DOCK10: variants seen among roughly 807,000 people sequenced by gnomAD.
The protein encoded by DOCK10 is dedicator of cytokinesis protein 10.
Under a neutral mutation model 280.1 loss-of-function variants are expected in DOCK10, and 145 were observed. The observed-to-expected ratio is 0.52, with a 90% CI of 0.45 to 0.59. The LOEUF (loss-of-function observed/expected upper bound fraction) is 0.59, where lower values mean the gene tolerates loss of function less well. Among genes scored for constraint, DOCK10 ranks in the 20% least tolerant of loss-of-function variants. DOCK10 has a pLI of 0.00. For missense variants in DOCK10, 2,368 were observed against 2,651.7 expected, an observed-to-expected ratio of 0.89 and a Z score of 2.35; for synonymous variants, 915 against 942.2, an observed-to-expected ratio of 0.97 and a Z score of 0.53.
At chr2:225,019,845 C>A (rs186659906) in intron 1 of DOCK10, among the ~76,000 whole-genome samples, 2 of 152,182 alleles carry the variant, frequency 1.3e-5, no homozygotes, top group East Asian at 3.9e-4. Context: ...AAAAATCAGA[C>A]GCCAAAATTT....
intron 1 of DOCK10, among the ~76,000 whole-genome samples, chr2:225,037,541 TGC>T (rs1186524834): frequency 6.6e-6 from 1 of 152,186 alleles, no homozygotes; most frequent in African/African-American, 2.4e-5. Context: ...CTATTCAAAA[TGC>T]AGAGGATGTC....
rs756089459 is a variant in DOCK10, at chr2:224,805,160, G to A, written c.4052-36C>T. 4 of 1,601,386 alleles carry A rather than the reference G, an allele frequency of 2.5e-6. No individual in the cohort carries two copies. In the East Asian group the frequency reaches 8.9e-5, roughly 36 times the overall value. ...ACACCAGGTAGTATGAGAATCTGAA[G>A]GTTTTCTTTTTCCTTTTTTCAAAAA... On this transcript the variant is annotated intron_variant, in intron 36 of 55. Transcript: ENST00000258390. The surrounding 1 kb of genome is among the most constrained non-coding windows in gnomAD (Gnocchi z 4.3).
At chr2:224,784,195 T>C (rs905544613) in intron 50 of DOCK10, among the ~76,000 whole-genome samples, 1 of 152,158 alleles carries the variant, frequency 6.6e-6, no homozygotes, top group Non-Finnish European at 1.5e-5. Context: ...TTGGAATTAG[T>C]CCCATCACCT....
Position 224,909,160 on chromosome 2 carries a change from T to A in DOCK10, c.333+7535A>T, listed in dbSNP as rs1298845245. ...CTTTATATGATCCCTTTGTGTATAT[T>A]AAAATAAAAGCTTCGTTATAGAAGT... On this transcript the variant is annotated intron_variant, in intron 3 of 55. Coordinates refer to ENST00000258390, the MANE Select transcript of DOCK10 (RefSeq NM_014689.3). Among the ~76,000 whole-genome samples, 3 of 152,230 alleles carry A rather than the reference T, an allele frequency of 2.0e-5. No homozygotes were observed. The East Asian group carries it at 5.8e-4, about 29-fold the overall frequency.
At chr2:224,919,328 G>GT (rs1701552283) in intron 2 of DOCK10, among the ~76,000 whole-genome samples, 1 of 148,518 alleles carries the variant, frequency 6.7e-6, no homozygotes, top group East Asian at 2.0e-4. Context: ...GTGAGTGTGT[G>GT]GTGTATGTGT....
intron 33 of DOCK10, among the ~76,000 whole-genome samples, chr2:224,806,639 C>T (rs753784899): frequency 6.6e-6 from 1 of 152,110 alleles, no homozygotes; most frequent in Non-Finnish European, 1.5e-5. Flanking sequence ...CAGCGTCTTA[C>T]TGTTACCCAG....
In DOCK10 at chr2:224,976,602, C is replaced by T. The variant is rs374445344; in HGVS notation, c.124-44934G>A. On this transcript the variant is annotated intron_variant, in intron 1 of 55. Coordinates refer to ENST00000258390, the MANE Select transcript of DOCK10 (RefSeq NM_014689.3). ...AGTTCTCAGACCCTCAGGTGAACAACAGGTACCCAGGGAAAAAACCAAGTT... is the reference window on the plus strand; with the variant it reads ...AGTTCTCAGACCCTCAGGTGAACAATAGGTACCCAGGGAAAAAACCAAGTT... Among the ~76,000 whole-genome samples, 214 of 146,158 alleles carry T rather than the reference C, an allele frequency of 1.5e-3. 1 individual carries two copies. Among genetic ancestry groups the T allele is most frequent in the Middle Eastern group, 0.011 (3 of 284 alleles).
intron 1 of DOCK10, among the ~76,000 whole-genome samples, chr2:225,036,986 A>G (rs952874127): frequency 6.6e-6 from 1 of 151,906 alleles, no homozygotes; most frequent in African/African-American, 2.4e-5. Flanking sequence ...TTTGTAAGAT[A>G]CTTAGGATCC....
chr2:224,861,945 T>C (rs1697530673), intron 14 of DOCK10: 1 of 152,242 alleles, frequency 6.6e-6, no homozygotes, highest in Non-Finnish European at 1.5e-5. Flanking sequence ...TGATGACCTT[T>C]TAGCCTTATG....
chr2:224,785,758 C>T (rs369162660), intron 50 of DOCK10, among the ~76,000 whole-genome samples: 10 of 152,308 alleles, frequency 6.6e-5, no homozygotes, highest in East Asian at 3.9e-4. Context: ...GGATTACAGG[C>T]GTGAGCCATG....
Position 224,973,826 on chromosome 2 carries a change from T to C in DOCK10, c.124-42158A>G, listed in dbSNP as rs192739387. The stretch of plus-strand genomic sequence containing the variant: ...AGAGATCACACTGCCAGCAAGTGCT[T>C]TGGCAAGTGACTCAGACCCACACAC... On this transcript the variant is annotated intron_variant, in intron 1 of 55. Transcript: ENST00000258390. Among the ~76,000 whole-genome samples, 57 of 152,284 alleles carry C rather than the reference T, an allele frequency of 3.7e-4. 1 individual carries two copies. In the East Asian group the frequency reaches 9.3e-3, roughly 25 times the overall value.
intron 50 of DOCK10, among the ~76,000 whole-genome samples, chr2:224,779,232 T>A (rs1691116695): frequency 6.6e-6 from 1 of 151,654 alleles, no homozygotes; most frequent in Non-Finnish European, 1.5e-5. Context: ...CTTTTTTTTT[T>A]TTTGGCAGAG....
intron 31 of DOCK10, among the ~76,000 whole-genome samples, chr2:224,813,356 C>T (rs1230116381): frequency 6.6e-6 from 1 of 152,046 alleles, no homozygotes; most frequent in Non-Finnish European, 1.5e-5. Flanking sequence ...CCACCATGCC[C>T]AGCTGATTTT....
chr2:224,857,677 A>G (rs903584209), intron 14 of DOCK10, among the ~76,000 whole-genome samples: 6 of 152,278 alleles, frequency 3.9e-5, no homozygotes, highest in African/African-American at 1.2e-4. Context: ...CTTGCTTCAC[A>G]TAGGTACCAT....
intron 1 of DOCK10, among the ~76,000 whole-genome samples, chr2:224,938,017 G>GT (rs1702786867): frequency 6.6e-6 from 1 of 152,148 alleles, no homozygotes; most frequent in Non-Finnish European, 1.5e-5. Flanking sequence ...CGCATATCTG[G>GT]TATCTACATT....
At chr2:224,889,844 C>T (rs1219296719) in intron 4 of DOCK10, among the ~76,000 whole-genome samples, 1 of 152,166 alleles carries the variant, frequency 6.6e-6, no homozygotes, top group Non-Finnish European at 1.5e-5. Flanking sequence ...TAAATACAAC[C>T]CTTCCCTCTC....
intron 11 of DOCK10, among the ~76,000 whole-genome samples, chr2:224,873,120 C>A (rs1168273924): frequency 6.6e-6 from 1 of 152,184 alleles, no homozygotes; most frequent in Non-Finnish European, 1.5e-5. Context: ...TCCCATCCTA[C>A]TAGTATTTAT....
intron 4 of DOCK10, among the ~76,000 whole-genome samples, chr2:224,890,361 T>C (rs1699586548): frequency 6.6e-6 from 1 of 152,068 alleles, no homozygotes; most frequent in Admixed American, 6.5e-5. Flanking sequence ...AAAACAAAAA[T>C]GTGATGAAAC....
intron 7 of DOCK10, among the ~76,000 whole-genome samples, chr2:224,881,672 T>C (rs2125726028): frequency 6.6e-6 from 1 of 152,352 alleles, no homozygotes; most frequent in South Asian, 2.1e-4. Context: ...ATAGTTCATG[T>C]TCCATCAAGT....
Sources: allele counts gnomAD v4.1 joint callset (sites outside exome capture counted in the v4.1 genomes callset), GRCh38; gene constraint gnomAD v4.1.1; non-coding constraint Gnocchi (gnomAD v3.1); transcripts MANE v1.5; gene names NCBI Gene and HGNC (gene_info 2026-07-23, HGNC 2026-07-21).